Variants in POU2F2 observed in about 807,000 individuals in gnomAD.
The protein encoded by POU2F2 is POU domain, class 2, transcription factor 2.
A neutral mutation model predicts 63.5 loss-of-function variants in POU2F2; 14 were observed. The observed-to-expected ratio is 0.22, with a 90% CI of 0.15 to 0.34. POU2F2 has a LOEUF of 0.34. POU2F2 is among the 10% of genes least tolerant of loss of function. The pLI, the probability that POU2F2 is intolerant of heterozygous loss-of-function variation, is 1.00. For synonymous variants in POU2F2, 306 were observed against 348.6 expected, an observed-to-expected ratio of 0.88 and a Z score of 1.36; for missense variants, 607 against 815.2, an observed-to-expected ratio of 0.74 and a Z score of 3.11.
rs1425250803 is a variant in POU2F2, at chr19:42,172,205, C to T, written c.-70+3758G>A. On this transcript the variant is annotated intron_variant, in intron 1 of 6. Coordinates refer to the POU2F2 transcript ENST00000524801. ...ACTCACCTCCCTGTCTAAACCCACACCATCTTCATTCCCCAGATTCCTAAT... is the reference window on the plus strand; with the variant it reads ...ACTCACCTCCCTGTCTAAACCCACATCATCTTCATTCCCCAGATTCCTAAT... 5.3e-5 allele frequency among the ~76,000 whole-genome samples: 8 copies of T among 152,330 alleles called. 1 individual carries two copies. In the South Asian group the frequency reaches 1.2e-3, roughly 24 times the overall value.
At chr19:42,122,226 G>A (rs1443658025) in intron 3 of POU2F2, 44 bp from the exon 4 acceptor site, 1 of 1,594,728 alleles carries the variant, frequency 6.3e-7, no homozygotes, top group South Asian at 1.1e-5. Flanking sequence ...ATAGTGCAGT[G>A]AAGCAGCTTC....
intron 4 of POU2F2, among the ~76,000 whole-genome samples, chr19:42,120,600 A>G (rs1328246859): frequency 6.6e-6 from 1 of 152,186 alleles, no homozygotes; most frequent in East Asian, 1.9e-4. Context: ...TTCGGCACAC[A>G]AGAGACTCTG....
intron 4 of POU2F2, among the ~76,000 whole-genome samples, chr19:42,118,652 C>G (rs2032213357): frequency 1.3e-5 from 2 of 152,252 alleles, no homozygotes; most frequent in African/African-American, 2.4e-5. Context: ...TAGAGCCACC[C>G]TGGCCTCCTC....
chr19:42,109,248 G>A (rs373342620), intron 5 of POU2F2, among the ~76,000 whole-genome samples: 47 of 152,326 alleles, frequency 3.1e-4, no homozygotes, highest in African/African-American at 9.9e-4. Flanking sequence ...CAGGCCAGAC[G>A]GCCCATCCCC....
intron 1 of POU2F2, among the ~76,000 whole-genome samples, chr19:42,182,277 A>AGACCT (rs962484954): frequency 1.3e-5 from 2 of 150,678 alleles, no homozygotes; most frequent in African/African-American, 5.0e-5. Context: ...AGAGAGAGAG[A>AGACCT]GAGACCTGGA....
rs1484335470 is a variant in POU2F2 at position 42,117,541 on chromosome 19, G to A, written c.187-109C>T. On this transcript the variant is annotated intron_variant, in intron 4 of 14. Transcript: ENST00000692977. This position sits in a 1 kb window ranked among gnomAD's most constrained non-coding sequence, Gnocchi z 4.4. ...TGCAGTCTGTGGTCCTGCACTGACC[G>A]CTGGGAGCTTCAAACCACTCCTCTG... 9.2e-6 allele frequency: 5 copies of A among 543,302 alleles called. No individual in the cohort carries two copies. The highest frequency in any genetic ancestry group is 3.3e-5 in the East Asian group (1 of 30,372). The allele number at this position is 543,302 out of a possible 1,614,324, so 33.7% of individuals were successfully genotyped here.
chr19:42,115,185 G>A (rs888847451), intron 5 of POU2F2, among the ~76,000 whole-genome samples: 1 of 152,136 alleles, frequency 6.6e-6, no homozygotes, highest in African/African-American at 2.4e-5. Flanking sequence ...AGCCATCACG[G>A]AGCCATGCGC....
At chr19:42,194,872 GAAA>G (rs1385037946) in intron 1 of POU2F2, among the ~76,000 whole-genome samples, 2 of 124,186 alleles carry the variant, frequency 1.6e-5, no homozygotes, top group African/African-American at 6.3e-5. Context: ...TGGAAAGAAG[GAAA>G]AAAGGAAGGA....
intron 2 of POU2F2, among the ~76,000 whole-genome samples, chr19:42,144,498 A>G (rs945828928): frequency 3.3e-5 from 5 of 152,204 alleles, no homozygotes; most frequent in African/African-American, 1.2e-4. Context: ...ATTCAGTTCC[A>G]CATCTTCAGG....
rs2032075421 is a variant in POU2F2 at position 42,117,498 on chromosome 19, G to C, written c.187-66C>G. On this transcript the variant is annotated intron_variant, in intron 4 of 14. Coordinates refer to ENST00000692977, the MANE Select transcript of POU2F2 (RefSeq NM_001394376.1). The surrounding 1 kb of genome is among the most constrained non-coding windows in gnomAD (Gnocchi z 4.4). ...CAGGCTGGCACAGGAGGAGCAGACT[G>C]GGGTGTGGACATGAGGGTGCAGTCT... 1.4e-6 allele frequency: 1 copy of C among 712,644 alleles called. No individual in the cohort carries two copies. Among genetic ancestry groups the C allele is most frequent in the Non-Finnish European group, 2.4e-6 (1 of 418,528 alleles). The allele number at this position is 712,644 out of a possible 1,614,324, so 44.1% of individuals were successfully genotyped here.
At chr19:42,158,224 T>C (rs2034492880) in intron 2 of POU2F2, among the ~76,000 whole-genome samples, 1 of 152,192 alleles carries the variant, frequency 6.6e-6, no homozygotes, top group Admixed American at 6.5e-5. Flanking sequence ...ATCTCTCTAG[T>C]GTATAATCAT....
At chr19:42,170,737 A>T (rs1353465082) in intron 1 of POU2F2, among the ~76,000 whole-genome samples, 1 of 152,268 alleles carries the variant, frequency 6.6e-6, no homozygotes, top group Non-Finnish European at 1.5e-5. Context: ...AAAGACCCCA[A>T]GACACACACG....
chr19:42,152,074 T>C lies in POU2F2; in HGVS notation c.-9+8258A>G, dbSNP rs1437909344. On this transcript the variant is annotated intron_variant, in intron 2 of 6. Transcript: ENST00000524801. The surrounding 1 kb of genome is among the most constrained non-coding windows in gnomAD (Gnocchi z 4.1). Reference sequence around the variant, plus strand: ...CAGTGAAGGAGGAGGATTCACACTCTGGTTGGTCACAATCCACCCATGACA... The same window carrying C: ...CAGTGAAGGAGGAGGATTCACACTCCGGTTGGTCACAATCCACCCATGACA... 6.6e-6 allele frequency among the ~76,000 whole-genome samples: 1 copy of C among 152,164 alleles called. No homozygotes were observed. The highest frequency in any genetic ancestry group is 1.9e-4 in the East Asian group (1 of 5,188).
rs905597683 is a variant in POU2F2, at chr19:42,151,193, G to A, written c.-9+9139C>T. 1.1e-4 allele frequency among the ~76,000 whole-genome samples: 17 copies of A among 152,258 alleles called. No homozygotes were observed. In the South Asian group the frequency reaches 1.5e-3, roughly 13 times the overall value. On this transcript the variant is annotated intron_variant, in intron 2 of 6. Coordinates refer to the POU2F2 transcript ENST00000524801. Reference sequence around the variant, plus strand: ...TCGGGGGTCAGGCCACGTCCCCTCAGCTTGTCTCTTTCCCCTCCCCCTTCC... The same window carrying A: ...TCGGGGGTCAGGCCACGTCCCCTCAACTTGTCTCTTTCCCCTCCCCCTTCC...
Position 42,093,951 on chromosome 19 carries a change from A to C in POU2F2, c.1198-56T>G, listed in dbSNP as rs375007249. 99 of 1,511,856 alleles carry C rather than the reference A, an allele frequency of 6.5e-5. 2 individuals are homozygous for C. In the African/African-American group the frequency reaches 1.1e-3, roughly 16 times the overall value. The allele number at this position is 1,511,856 out of a possible 1,614,324, so 93.7% of individuals were successfully genotyped here. ...CCACTGTCTGCCAGCAGCCCCCGTG[A>C]TGCTCCCTGTAGGACCCCACTCCTC... On this transcript the variant is annotated intron_variant, in intron 11 of 14. Transcript: ENST00000692977.
At position 42,131,726 on chromosome 19, in the gene POU2F2, G is replaced by A. The variant is rs1397963817; in HGVS notation, c.28+658C>T. 3.9e-5 allele frequency among the ~76,000 whole-genome samples: 6 copies of A among 152,332 alleles called. No individual in the cohort carries two copies. In the East Asian group the frequency reaches 9.6e-4, roughly 24 times the overall value. On this transcript the variant is annotated intron_variant, in intron 1 of 14. Transcript: ENST00000692977. ...AATTCCCAGCAGTGATACGTGCCGT[G>A]AAGAAAAGATAAAGCAGGGTGAGGG...
intron 5 of POU2F2, among the ~76,000 whole-genome samples, chr19:42,111,888 A>C (rs1433047484): frequency 6.6e-6 from 1 of 152,186 alleles, no homozygotes; most frequent in Non-Finnish European, 1.5e-5. Context: ...GAGTAGGGGC[A>C]GAGGAGTGGC....
intron 2 of POU2F2, among the ~76,000 whole-genome samples, chr19:42,158,815 G>T (rs935542440): frequency 6.6e-6 from 1 of 152,162 alleles, no homozygotes; most frequent in African/African-American, 2.4e-5. Flanking sequence ...ACTTTCAGAC[G>T]TTCCTCAAAG....
intron 2 of POU2F2, among the ~76,000 whole-genome samples, chr19:42,138,297 T>C (rs1274125889): frequency 1.3e-5 from 2 of 152,104 alleles, no homozygotes; most frequent in Non-Finnish European, 2.9e-5. Flanking sequence ...CCAGGTATGT[T>C]AAAGTATCTT....
Sources: allele counts gnomAD v4.1 joint callset (sites outside exome capture counted in the v4.1 genomes callset), GRCh38; gene constraint gnomAD v4.1.1; non-coding constraint Gnocchi (gnomAD v3.1); transcripts MANE v1.5; gene names NCBI Gene and HGNC (gene_info 2026-07-23, HGNC 2026-07-21).